Variants in VPS13C observed in about 807,000 individuals in gnomAD.
VPS13C encodes the protein vacuolar protein sorting 13 homolog C, also known as intermembrane lipid transfer protein VPS13C.
Under a neutral mutation model 456.8 loss-of-function variants are expected in VPS13C, and 358 were observed. That is an observed-to-expected ratio of 0.78 (90% CI 0.72 to 0.86). The LOEUF (loss-of-function observed/expected upper bound fraction) is 0.86, where lower values mean the gene tolerates loss of function less well. Ranked by LOEUF, VPS13C falls within the 40% of genes least tolerant of loss-of-function variation. The pLI, the probability that VPS13C is intolerant of heterozygous loss-of-function variation, is 0.00. For missense variants in VPS13C, 4,818 were observed against 4,385.4 expected (o/e 1.10, Z -2.79); for synonymous variants, 1,578 against 1,486.7 (o/e 1.06, Z -1.41).
intron 66 of VPS13C, among the ~76,000 whole-genome samples, chr15:61,891,078 C>T (rs1015633437): frequency 5.9e-5 from 9 of 152,098 alleles, no homozygotes; most frequent in Non-Finnish European, 1.2e-4. Context: ...TAACCTCAGA[C>T]AAAACCAGCC....
chr15:62,027,932 G>A (rs748303131), intron 6 of VPS13C, among the ~76,000 whole-genome samples: 23 of 151,902 alleles, frequency 1.5e-4, no homozygotes, highest in Admixed American at 4.6e-4. Context: ...CTCCTGTCAC[G>A]GTTCTGAATT....
At position 61,957,416 on chromosome 15, in the gene VPS13C, T is replaced by G. The variant is rs62007766; in HGVS notation, c.4165+1192A>C. Among the ~76,000 whole-genome samples, 450 of 152,250 alleles carry G rather than the reference T, an allele frequency of 3.0e-3. 3 individuals are homozygous for G. Among genetic ancestry groups the G allele is most frequent in the Non-Finnish European group, 4.6e-3 (312 of 68,004 alleles). On this transcript the variant is annotated intron_variant, in intron 37 of 84. Coordinates refer to ENST00000644861, the MANE Select transcript of VPS13C (RefSeq NM_020821.3). Reference sequence around the variant, plus strand: ...TCCATATATGCAAAAATTCACTGAATAGTGCACCGAATATTTGTATACTTC... The same window carrying G: ...TCCATATATGCAAAAATTCACTGAAGAGTGCACCGAATATTTGTATACTTC...
intron 83 of VPS13C, 74 bp from the exon 84 acceptor site, chr15:61,855,028 A>G: frequency 8.2e-7 from 1 of 1,215,130 alleles, no homozygotes; most frequent in Non-Finnish European, 1.1e-6. Context: ...TTAATTGTAT[A>G]CTTAAATGTC....
At chr15:61,964,589 AG>A in intron 31 of VPS13C, 109 bp downstream of exon 31, 1 of 1,047,372 alleles carries the variant, frequency 9.5e-7, no homozygotes. Context: ...TTTGAAGAAA[AG>A]GGGAAAATGG....
At chr15:62,002,009 T>C (rs960142385) in intron 15 of VPS13C, among the ~76,000 whole-genome samples, 1 of 152,176 alleles carries the variant, frequency 6.6e-6, no homozygotes, top group Non-Finnish European at 1.5e-5. Context: ...AGCAGCATGA[T>C]TTATAGTCCT....
intron 3 of VPS13C, among the ~76,000 whole-genome samples, chr15:62,036,549 T>A (rs1408171114): frequency 6.6e-6 from 1 of 152,116 alleles, no homozygotes; most frequent in Non-Finnish European, 1.5e-5. Context: ...TACAACGCTC[T>A]GGGTCATTTC....
intron 7 of VPS13C, 61 bp from the exon 8 acceptor site, chr15:62,023,581 A>T: frequency 7.6e-7 from 1 of 1,312,286 alleles, no homozygotes; most frequent in South Asian, 1.4e-5. Context: ...CTCAAAATTA[A>T]TAACCAAAGG....
In VPS13C at chr15:61,854,041, CAAA is replaced by C. The variant is rs5813124; in HGVS notation, c.*413_*415del. 4 of 137,412 alleles carry C rather than the reference CAAA, an allele frequency of 2.9e-5. No homozygotes were observed. Among genetic ancestry groups the C allele is most frequent in the Non-Finnish European group, 6.0e-5 (4 of 66,310 alleles). 8.5% of individuals were successfully genotyped at this position (137,412 alleles called of 1,614,324 possible). On this transcript the variant is annotated 3_prime_UTR_variant, in exon 85 of 85. Transcript: ENST00000644861. ...TGGGCGACAGAGCAAGACTCGGTCT[CAAA>C]AAAAAAAAAAACCCCAAAAAAACAA...
chr15:61,993,627 A>C (rs994459115), intron 16 of VPS13C, among the ~76,000 whole-genome samples: 1 of 152,158 alleles, frequency 6.6e-6, no homozygotes, highest in Non-Finnish European at 1.5e-5. Context: ...TACACATAAT[A>C]AAGAGAAAAA....
intron 61 of VPS13C, 140 bp downstream of exon 61, chr15:61,915,493 C>T (rs570474004): frequency 1.2e-5 from 11 of 912,748 alleles, no homozygotes; most frequent in Admixed American, 3.1e-5. Context: ...CACTTGATTA[C>T]GCTTAAGTCT....
intron 5 of VPS13C, among the ~76,000 whole-genome samples, chr15:62,028,700 T>C (rs2047719050): frequency 6.6e-6 from 1 of 152,086 alleles, no homozygotes; most frequent in South Asian, 2.1e-4. Context: ...AACGGCTCAC[T>C]AAAATTTTTG....
chr15:62,051,726 A>T (rs1180925991), intron 1 of VPS13C, among the ~76,000 whole-genome samples: 3 of 152,344 alleles, frequency 2.0e-5, no homozygotes, highest in Admixed American at 6.5e-5. Context: ...TAAAATTAGT[A>T]TAACAAGGGC....
chr15:61,939,556 CT>C (rs953679263), intron 47 of VPS13C, among the ~76,000 whole-genome samples: 1 of 152,170 alleles, frequency 6.6e-6, no homozygotes, highest in Non-Finnish European at 1.5e-5. Context: ...TCTCTCACCC[CT>C]ATCCCATCCT....
Position 61,915,792 on chromosome 15 carries a change from G to A in VPS13C, c.8286C>T (p.Ser2762=). 6.2e-7 allele frequency: 1 copy of A among 1,614,044 alleles called. No individual in the cohort carries two copies. The highest frequency in any genetic ancestry group is 8.5e-7 in the Non-Finnish European group (1 of 1,180,006). ...DLSVHVRRIG[S]RMVLSVFSPY... is the part of the protein sequence containing the mutation. ...GACTAAAGACAGACAGCACCATCCG[G>A]CTGCCAATTCTCCTGACGTGGACTG... is the stretch of plus-strand genomic sequence containing the variant. Residue 2762 remains serine (S), a synonymous_variant, in exon 61 of 85, where the codon AGC becomes AGT. Transcript: ENST00000644861.
At chr15:61,995,692 C>T (rs544696878) in intron 16 of VPS13C, among the ~76,000 whole-genome samples, 3 of 152,190 alleles carry the variant, frequency 2.0e-5, no homozygotes, top group Non-Finnish European at 4.4e-5. Context: ...CCTTCCATCC[C>T]ACAGCCACGA....
At chr15:61,955,319 A>G (rs1421741652) in intron 37 of VPS13C, among the ~76,000 whole-genome samples, 4 of 152,116 alleles carry the variant, frequency 2.6e-5, no homozygotes, top group Non-Finnish European at 5.9e-5. Context: ...GTTCAGACAG[A>G]TTCAGTCCCT....
At chr15:62,006,223 TAGGTA>T (rs2046840032) in intron 15 of VPS13C, among the ~76,000 whole-genome samples, 1 of 152,078 alleles carries the variant, frequency 6.6e-6, no homozygotes, top group South Asian at 2.1e-4. Flanking sequence ...CATTTAGCAT[TAGGTA>T]TATCTGCTAA....
chr15:61,898,391 T>C (rs1458868246), intron 66 of VPS13C, among the ~76,000 whole-genome samples: 5 of 150,854 alleles, frequency 3.3e-5, no homozygotes, highest in South Asian at 4.2e-4. Context: ...AGGCTCAAAA[T>C]AAAAGGATGG....
chr15:62,019,341 T>C (rs2047373220), intron 9 of VPS13C, among the ~76,000 whole-genome samples: 1 of 152,146 alleles, frequency 6.6e-6, no homozygotes, highest in South Asian at 2.1e-4. Context: ...CTTTTGAATG[T>C]GTTTGCTCTT....
Sources: gnomAD v4.1 joint callset for allele counts (sites outside exome capture counted in the v4.1 genomes callset) on GRCh38, gnomAD v4.1.1 for gene constraint, MANE v1.5 for transcripts, NCBI Gene and HGNC (gene_info 2026-07-23, HGNC 2026-07-21) for gene names.